Variants in RFX3 observed in about 807,000 individuals in gnomAD.
RFX3 encodes regulatory factor X3, also known as transcription factor RFX3.
A neutral mutation model predicts 98.6 loss-of-function variants in RFX3; 14 were observed. That is an observed-to-expected ratio of 0.14 (90% confidence interval 0.09 to 0.22). RFX3 has a LOEUF of 0.22. RFX3 is among the 10% of genes least tolerant of loss of function. The probability of loss-of-function intolerance (pLI) is 1.00; values close to 1 mark genes in which losing one functional copy is unlikely to be tolerated. For synonymous variants in RFX3, 383 were observed against 328.4 expected, an observed-to-expected ratio of 1.17 and a Z score of -1.80; for missense variants, 639 against 926.9, an observed-to-expected ratio of 0.69 and a Z score of 4.03.
chr9:3,310,427 T>C (rs542617983), intron 4 of RFX3, among the ~76,000 whole-genome samples: 3 of 152,214 alleles, frequency 2.0e-5, no homozygotes, highest in Non-Finnish European at 4.4e-5. Context: ...GCATGTTCTC[T>C]CGACTCTGAA....
Position 3,263,650 on chromosome 9 carries a change from T to C in RFX3, c.1456-566A>G, listed in dbSNP as rs567163612. On this transcript the variant is annotated intron_variant, in intron 12 of 16. Coordinates refer to ENST00000617270, the MANE Select transcript of RFX3 (RefSeq NM_001282116.2). ...GATTATCAGAGGCAACCAACTAGAA[T>C]AACCTTTTTTCAGAATTAGAGTTTC... Among the ~76,000 whole-genome samples, 504 of 152,320 alleles carry C rather than the reference T, an allele frequency of 3.3e-3. 1 individual carries two copies. Among genetic ancestry groups the C allele is most frequent in the African/African-American group, 0.011 (476 of 41,574 alleles).
Position 3,270,362 on chromosome 9 carries a change from T to G in RFX3, c.1357+9A>C, listed in dbSNP as rs751027387. 4.4e-6 allele frequency: 7 copies of G among 1,608,944 alleles called. No homozygotes were observed. The African/African-American group carries it at 9.4e-5, about 22-fold the overall frequency. ...CAAAAGCATCCGTACTCGTCTGCAT[T>G]TAACTTACTAGGAATAGGTCTAAGG... is the stretch of plus-strand genomic sequence containing the variant. On this transcript the variant is annotated intron_variant, in intron 11 of 16. Coordinates refer to ENST00000617270, the MANE Select transcript of RFX3 (RefSeq NM_001282116.2).
At chr9:3,503,616 CTATT>C (rs1587875989) in intron 1 of RFX3, among the ~76,000 whole-genome samples, 1 of 152,182 alleles carries the variant, frequency 6.6e-6, no homozygotes, top group East Asian at 1.9e-4. Flanking sequence ...GTATGACAAT[CTATT>C]TGTCAAAATA....
intron 1 of RFX3, among the ~76,000 whole-genome samples, chr9:3,502,262 G>GAA (rs568868127): frequency 3.1e-5 from 4 of 130,920 alleles, no homozygotes; most frequent in African/African-American, 1.1e-4. Flanking sequence ...TGTCTCAAAA[G>GAA]AAAAAAAAAA....
At chr9:3,458,723 A>G (rs1847414111) in intron 1 of RFX3, among the ~76,000 whole-genome samples, 1 of 152,202 alleles carries the variant, frequency 6.6e-6, no homozygotes, top group Non-Finnish European at 1.5e-5. Flanking sequence ...GGAGTCAATG[A>G]ACATGTGTTC....
chr9:3,220,063 C>A lies in RFX3; in HGVS notation c.*4979G>T, dbSNP rs1817260901. 2 of 152,164 alleles carry A rather than the reference C, an allele frequency of 1.3e-5. No homozygotes were observed. The highest frequency in any genetic ancestry group is 4.8e-5 in the African/African-American group (2 of 41,436). The allele number at this position is 152,164 out of a possible 1,614,324, so 9.4% of individuals were successfully genotyped here. A position where few individuals can be genotyped will look rare whatever the true frequency, so the allele number is the denominator to read the frequency against. On this transcript the variant is annotated 3_prime_UTR_variant, in exon 17 of 17. Transcript: ENST00000617270. ...ATCAGAAGCAGTAGTCATAGCATCT[C>A]CTGACAGATGAGCTTAAAATCAAGT...
At chr9:3,317,264 G>T (rs1830725293) in intron 4 of RFX3, among the ~76,000 whole-genome samples, 1 of 152,174 alleles carries the variant, frequency 6.6e-6, no homozygotes, top group Admixed American at 6.5e-5. Context: ...AGCAAGAAAT[G>T]GGGAAAGGAT....
chr9:3,375,804 T>C (rs552274704), intron 2 of RFX3, among the ~76,000 whole-genome samples: 40 of 151,848 alleles, frequency 2.6e-4, no homozygotes, highest in African/African-American at 8.7e-4. Flanking sequence ...ACTAAAAATA[T>C]AAAAAATTAG....
chr9:3,484,088 C>T (rs143867398), intron 1 of RFX3, among the ~76,000 whole-genome samples: 1,708 of 152,230 alleles, frequency 0.011, 26 homozygotes, highest in South Asian at 0.03. Context: ...AACAATGTTG[C>T]AGATGTAGGA....
chr9:3,518,253 G>T (rs947816033), intron 1 of RFX3, among the ~76,000 whole-genome samples: 2 of 152,118 alleles, frequency 1.3e-5, no homozygotes, highest in African/African-American at 4.8e-5. Flanking sequence ...ATGTATGACT[G>T]CATAACCTGA....
chr9:3,381,385 TA>T (rs1839179374), intron 2 of RFX3, among the ~76,000 whole-genome samples: 1 of 152,118 alleles, frequency 6.6e-6, no homozygotes, highest in South Asian at 2.1e-4. Context: ...TTGTTCAAAG[TA>T]AAATTAATTT....
At chr9:3,412,676 T>C (rs1484702052) in intron 1 of RFX3, among the ~76,000 whole-genome samples, 3 of 152,140 alleles carry the variant, frequency 2.0e-5, no homozygotes, top group Non-Finnish European at 4.4e-5. Flanking sequence ...TCACCTGGCT[T>C]AAAATAATAG....
At chr9:3,254,813 G>GTA (rs1005950857) in intron 14 of RFX3, among the ~76,000 whole-genome samples, 24 of 152,182 alleles carry the variant, frequency 1.6e-4, no homozygotes, top group African/African-American at 5.8e-4. Flanking sequence ...TCCTCCTGCT[G>GTA]TATCAAGGGA....
intron 1 of RFX3, among the ~76,000 whole-genome samples, chr9:3,417,287 G>A (rs1843066108): frequency 6.6e-6 from 1 of 151,984 alleles, no homozygotes; most frequent in African/African-American, 2.4e-5. Flanking sequence ...GATATAACAA[G>A]TAGTAAAGAT....
chr9:3,327,622 C>CA (rs35437578), intron 4 of RFX3, among the ~76,000 whole-genome samples: 47 of 148,012 alleles, frequency 3.2e-4, no homozygotes, highest in Admixed American at 6.0e-4. Flanking sequence ...AAACGCAAAA[C>CA]AAAAAAAAAT....
intron 1 of RFX3, among the ~76,000 whole-genome samples, chr9:3,524,819 A>C (rs1819057683): frequency 7.9e-6 from 1 of 126,562 alleles, no homozygotes; most frequent in Non-Finnish European, 1.6e-5. Context: ...ATCCGGTTTA[A>C]ATCACAAGCA....
intron 1 of RFX3, among the ~76,000 whole-genome samples, chr9:3,502,825 G>C (rs944094352): frequency 1.3e-5 from 2 of 152,054 alleles, no homozygotes; most frequent in African/African-American, 4.8e-5. Context: ...AAGGTAAAAA[G>C]CAATGGGAAT....
rs76559992 is a variant in RFX3, at chr9:3,466,082, T to A, written c.-9+59665A>T. Reference sequence around the variant, plus strand: ...AAGTACCTATTTATGCCATGCATAGTACAGAAATGAGCAGTTTGAAAAGAA... The same window carrying A: ...AAGTACCTATTTATGCCATGCATAGAACAGAAATGAGCAGTTTGAAAAGAA... On this transcript the variant is annotated intron_variant, in intron 1 of 16. Coordinates refer to ENST00000617270, the MANE Select transcript of RFX3 (RefSeq NM_001282116.2). Among the ~76,000 whole-genome samples, 878 of 152,310 alleles carry A rather than the reference T, an allele frequency of 5.8e-3. 10 individuals are homozygous for A. Among genetic ancestry groups the A allele is most frequent in the African/African-American group, 0.02 (839 of 41,576 alleles).
Position 3,225,104 on chromosome 9 carries a change from C to G in RFX3, c.2188G>C (p.Val730Leu), listed in dbSNP as rs137899630. Residue 730 changes from valine to leucine, a missense_variant, in exon 17 of 17, where the codon GTC becomes CTC. Val to Leu is a conservative substitution (Grantham distance 32). Coordinates refer to ENST00000617270, the MANE Select transcript of RFX3 (RefSeq NM_001282116.2). ...LLNPIHSEHI[V>L]TSTQTIRQCS... Reference sequence around the variant, plus strand: ...TGTCTGATAGTCTGAGTACTTGTGACAATGTGCTCGCTGTGAATTGGATTC... The same window carrying G: ...TGTCTGATAGTCTGAGTACTTGTGAGAATGTGCTCGCTGTGAATTGGATTC... 1.2e-6 allele frequency: 2 copies of G among 1,613,948 alleles called. No individual in the cohort carries two copies. The highest frequency in any genetic ancestry group is 1.1e-5 in the South Asian group (1 of 91,082).
Sources: gnomAD v4.1 joint callset for allele counts (sites outside exome capture counted in the v4.1 genomes callset) on GRCh38, gnomAD v4.1.1 for gene constraint, MANE v1.5 for transcripts, NCBI Gene and HGNC (gene_info 2026-07-23, HGNC 2026-07-21) for gene names.